ZNF713: variants seen among roughly 807,000 people sequenced by gnomAD.
ZNF713 encodes zinc finger protein 713.
Under a neutral mutation model 28.7 loss-of-function variants are expected in ZNF713, and 21 were observed. The observed-to-expected ratio is 0.73, with a 90% CI of 0.52 to 1.05. ZNF713 has a LOEUF of 1.05. Ranked by LOEUF, ZNF713 falls within the 50% of genes least tolerant of loss-of-function variation. The pLI is 0.00. For missense variants in ZNF713, 458 were observed against 532.4 expected (o/e 0.86, Z 1.37); for synonymous variants, 167 against 178.0 (o/e 0.94, Z 0.49).
intron 6 of ZNF713, among the ~76,000 whole-genome samples, chr7:55,928,037 C>T (rs1451670893): frequency 6.6e-6 from 1 of 151,264 alleles, no homozygotes; most frequent in African/African-American, 2.4e-5. Context: ...GGAGTTCACA[C>T]ATCATGACTT....
In ZNF713 at chr7:55,942,151, G is replaced by C. The variant is rs1008830430; in HGVS notation, c.*2145G>C. ...AGTGAGGAACTGTACCTGCGGGTGA[G>C]CCCTGGTGCCATGTTGAGGGTGGGA... On this transcript the variant is annotated 3_prime_UTR_variant, in exon 7 of 7. Coordinates refer to ENST00000429591, the MANE Select transcript of ZNF713 (RefSeq NM_182633.3). 7 of 152,154 alleles carry C rather than the reference G, an allele frequency of 4.6e-5. No homozygotes were observed. Among genetic ancestry groups the C allele is most frequent in the African/African-American group, 1.4e-4 (6 of 41,428 alleles). The allele number at this position is 152,154 out of a possible 1,614,324, so 9.4% of individuals were successfully genotyped here. A position where few individuals can be genotyped will look rare whatever the true frequency, so the allele number is the denominator to read the frequency against.
Position 55,939,619 on chromosome 7 carries a change from A to G in ZNF713, c.945A>G (p.Ile315Met), listed in dbSNP as rs1173033295. ...TTCACACAGGAGAAAAGCCTTTTATATGCAATGGATGTGGGAAAGCCTTCC... is the reference window on the plus strand; with the variant it reads ...TTCACACAGGAGAAAAGCCTTTTATGTGCAATGGATGTGGGAAAGCCTTCC... ...QRIHTGEKPF[I>M]CNGCGKAFRQ... Residue 315 changes from isoleucine (I) to methionine (M), a missense_variant, in exon 7 of 7, where the codon ATA becomes ATG. Transcript: ENST00000429591. 7.4e-6 allele frequency: 12 copies of G among 1,614,114 alleles called. No homozygotes were observed. The highest frequency in any genetic ancestry group is 1.7e-5 in the Admixed American group (1 of 59,998).
At chr7:55,901,384 G>A (rs1242181770) in intron 1 of ZNF713, among the ~76,000 whole-genome samples, 3 of 152,100 alleles carry the variant, frequency 2.0e-5, no homozygotes, top group African/African-American at 4.8e-5. Context: ...CTCCCACTGG[G>A]TCCCTCCCAC....
chr7:55,928,746 T>C (rs1786150705), intron 6 of ZNF713, among the ~76,000 whole-genome samples: 1 of 152,178 alleles, frequency 6.6e-6, no homozygotes, highest in Non-Finnish European at 1.5e-5. Context: ...GGAGAAACTT[T>C]AAACACTTCC....
chr7:55,918,477 G>A (rs1409396961), intron 4 of ZNF713, among the ~76,000 whole-genome samples: 1 of 152,196 alleles, frequency 6.6e-6, no homozygotes, highest in Non-Finnish European at 1.5e-5. Context: ...CCTGAAAGTG[G>A]AGTGTTGCAA....
rs1021793324 is a variant in ZNF713, at chr7:55,904,109, C to T, written c.-582-2144C>T. ...CTAGATCACAGCTCCCTGAGAGAGA[C>T]GGTGGAAGTAAAGCAAGAGTCACCA... On this transcript the variant is annotated intron_variant, in intron 1 of 6. Coordinates refer to ENST00000429591, the MANE Select transcript of ZNF713 (RefSeq NM_182633.3). 1.0e-4 allele frequency among the ~76,000 whole-genome samples: 5 copies of T among 49,450 alleles called. 1 individual carries two copies. The highest frequency in any genetic ancestry group is 2.5e-4 in the Non-Finnish European group (5 of 19,896). 32.4% of individuals were successfully genotyped at this position (49,450 alleles called of 152,430 possible).
At chr7:55,932,301 G>A (rs571801055) in intron 6 of ZNF713, among the ~76,000 whole-genome samples, 12 of 151,558 alleles carry the variant, frequency 7.9e-5, no homozygotes, top group Admixed American at 7.2e-4. Flanking sequence ...AGCCAAGGCG[G>A]AAGGATCACT....
chr7:55,899,107 A>G (rs1392236047), intron 1 of ZNF713, among the ~76,000 whole-genome samples: 1 of 152,078 alleles, frequency 6.6e-6, no homozygotes, highest in Non-Finnish European at 1.5e-5. Flanking sequence ...TAATCCCAGC[A>G]CTTTGGGAGG....
chr7:55,922,225 C>A (rs2116236886), intron 4 of ZNF713, among the ~76,000 whole-genome samples: 1 of 152,152 alleles, frequency 6.6e-6, no homozygotes, highest in African/African-American at 2.4e-5. Context: ...CCACGCCTGG[C>A]CTTATTGCTG....
intron 1 of ZNF713, among the ~76,000 whole-genome samples, chr7:55,888,679 C>A (rs932499696): frequency 1.2e-4 from 19 of 152,106 alleles, no homozygotes; most frequent in African/African-American, 4.3e-4. Context: ...GGCGTTCGGC[C>A]AGCTGTTTCT....
chr7:55,925,212 A>G (rs1233051292), intron 6 of ZNF713, among the ~76,000 whole-genome samples: 1 of 152,178 alleles, frequency 6.6e-6, no homozygotes, highest in Non-Finnish European at 1.5e-5. Flanking sequence ...TTGCTCTGGT[A>G]CCTGGCTTCA....
In ZNF713 at chr7:55,932,776, C is replaced by T. The variant is rs1220637436; in HGVS notation, c.308-6206C>T. ...GCGGGCGCCTGTAGTCCCAGCTACTCGGGAGGCTGAGGTGGGAGAATGGCG... is the reference window on the plus strand; with the variant it reads ...GCGGGCGCCTGTAGTCCCAGCTACTTGGGAGGCTGAGGTGGGAGAATGGCG... On this transcript the variant is annotated intron_variant, in intron 6 of 6. Coordinates refer to ENST00000429591, the MANE Select transcript of ZNF713 (RefSeq NM_182633.3). 1.5e-4 allele frequency among the ~76,000 whole-genome samples: 21 copies of T among 143,160 alleles called. No homozygotes were observed. In the South Asian group the frequency reaches 4.7e-3, roughly 32 times the overall value. 93.9% of individuals were successfully genotyped at this position (143,160 alleles called of 152,430 possible).
At chr7:55,919,490 G>GTTTTTTTTATTTTT in intron 4 of ZNF713, among the ~76,000 whole-genome samples, 1 of 66,760 alleles carries the variant, frequency 1.5e-5, no homozygotes, top group South Asian at 5.2e-4. Flanking sequence ...AAACACTCCA[G>GTTTTTTTTATTTTT]TTTTTTTTTT....
At chr7:55,937,527 A>G (rs1365265348) in intron 6 of ZNF713, among the ~76,000 whole-genome samples, 1 of 152,208 alleles carries the variant, frequency 6.6e-6, no homozygotes. Context: ...TTGGGGTTCT[A>G]TTACCCAGGA....
At position 55,899,440 on chromosome 7, in the gene ZNF713, G is replaced by C. The variant is rs1379016389; in HGVS notation, c.-582-6813G>C. ...AGCACTTTGGGAGGCCGAGGGGGGG[G>C]GGGGGGTTGATCACAAGGTCAGGAG... On this transcript the variant is annotated intron_variant, in intron 1 of 6. Coordinates refer to ENST00000429591, the MANE Select transcript of ZNF713 (RefSeq NM_182633.3). Among the ~76,000 whole-genome samples the C allele has an allele frequency of 4.8e-5, 7 of 144,974 alleles. 1 individual carries two copies. In the South Asian group the frequency reaches 9.4e-4, roughly 19 times the overall value.
chr7:55,888,428 G>C (rs1278772468), intron 1 of ZNF713, among the ~76,000 whole-genome samples: 1 of 152,068 alleles, frequency 6.6e-6, no homozygotes, highest in African/African-American at 2.4e-5. Context: ...TATCACCCAG[G>C]CTGCAGTGCA....
At chr7:55,923,383 G>T (rs1168324476) in intron 5 of ZNF713, 95 bp downstream of exon 5, 1 of 1,484,770 alleles carries the variant, frequency 6.7e-7, no homozygotes, top group East Asian at 2.3e-5. Context: ...ATATAGTTTG[G>T]GCTGGGATAG....
intron 1 of ZNF713, among the ~76,000 whole-genome samples, chr7:55,889,397 G>A (rs1284584562): frequency 4.6e-5 from 7 of 152,094 alleles, no homozygotes; most frequent in Non-Finnish European, 2.9e-5. Flanking sequence ...CACTGCGCCC[G>A]GCCTGATCTA....
intron 6 of ZNF713, among the ~76,000 whole-genome samples, chr7:55,931,948 G>A (rs539458726): frequency 7.9e-5 from 12 of 152,310 alleles, no homozygotes; most frequent in African/African-American, 2.6e-4. Context: ...GCTAAGAGAC[G>A]TGAGAGGCAG....
Sources: gnomAD v4.1 joint callset for allele counts (sites outside exome capture counted in the v4.1 genomes callset) on GRCh38, gnomAD v4.1.1 for gene constraint, MANE v1.5 for transcripts, NCBI Gene and HGNC (gene_info 2026-07-23, HGNC 2026-07-21) for gene names.